Variants in RPAP1 observed in about 807,000 individuals in gnomAD.
RPAP1 encodes the protein RNA polymerase II-associated protein 1.
A neutral mutation model predicts 142.4 loss-of-function variants in RPAP1; 109 were observed. That is an observed-to-expected ratio of 0.77 (90% confidence interval 0.66 to 0.90). The LOEUF (loss-of-function observed/expected upper bound fraction) is 0.90. Ranked by LOEUF, RPAP1 falls within the 40% of genes least tolerant of loss-of-function variation. RPAP1 has a pLI of 0.00. For missense variants in RPAP1, 1,546 were observed against 1,751.7 expected, an observed-to-expected ratio of 0.88 and a Z score of 2.10; for synonymous variants, 704 against 738.9, an observed-to-expected ratio of 0.95 and a Z score of 0.77.
rs1362807273 is a variant in RPAP1, at chr15:41,536,925, T to A, written c.181+20A>T. On this transcript the variant is annotated intron_variant, in intron 2 of 24. Coordinates refer to ENST00000304330, the MANE Select transcript of RPAP1 (RefSeq NM_015540.4). Reference sequence around the variant, plus strand: ...GCTGTACCCTCTCTACTTCTCAGCCTCACATCCATGGGAACTCACTGTCCA... The same window carrying A: ...GCTGTACCCTCTCTACTTCTCAGCCACACATCCATGGGAACTCACTGTCCA... The A allele has an allele frequency of 6.2e-7, 1 of 1,609,992 alleles. No homozygotes were observed. Among genetic ancestry groups the A allele is most frequent in the African/African-American group, 1.3e-5 (1 of 74,850 alleles).
At position 41,535,558 on chromosome 15, in the gene RPAP1, C is replaced by T. The variant is rs1325414827; in HGVS notation, c.495G>A (p.Lys165=). The change falls in exon 5 of 25, where the codon AAG becomes AAA. Residue 165 remains lysine, a synonymous_variant. Transcript: ENST00000304330. ...GCACAACTTCCCCAACTGATGGGCC[C>T]TTGGCTTCAGCTATCCTCCTTGCCG... The part of the protein sequence containing the change: ...EIAARRIAEA[K]GPSVGEVVPN... 2 of 1,613,794 alleles carry T rather than the reference C, an allele frequency of 1.2e-6. No individual in the cohort carries two copies. Among genetic ancestry groups the T allele is most frequent in the African/African-American group, 2.7e-5 (2 of 74,892 alleles).
intron 1 of RPAP1, among the ~76,000 whole-genome samples, chr15:41,539,916 C>G (rs2051954245): frequency 6.6e-6 from 1 of 151,984 alleles, no homozygotes. Context: ...GCCTGTAATC[C>G]TAGCTACTCA....
At chr15:41,526,867 T>TC in intron 14 of RPAP1, 31 bp downstream of exon 14, 1 of 1,571,124 alleles carries the variant, frequency 6.4e-7, no homozygotes. Flanking sequence ...TCCCATGCAT[T>TC]CCCCCATCCC....
intron 20 of RPAP1, 60 bp downstream of exon 20, chr15:41,522,038 C>T: frequency 1.3e-6 from 2 of 1,594,072 alleles, no homozygotes; most frequent in Non-Finnish European, 1.7e-6. Flanking sequence ...GGCTGGGTTC[C>T]ACAGAAACAG....
chr15:41,522,700 C>CATTGT, intron 19 of RPAP1, 65 bp downstream of exon 19: 1 of 1,232,462 alleles, frequency 8.1e-7, no homozygotes, highest in Non-Finnish European at 1.1e-6. Flanking sequence ...CACCCTCCCA[C>CATTGT]TTTCTTTCTG....
chr15:41,523,940 G>T lies in RPAP1; in HGVS notation c.2267C>A (p.Pro756His). ...CACCTGTGTCCAAGTGACTAAGGAA[G>T]GGGTGGCCGAGAGGCTGGCCTCAGC... Reference protein sequence around the residue: ...DSAEASLSATPSLVTWTQVSG... With the variant: ...DSAEASLSATHSLVTWTQVSG... The change falls in exon 17 of 25, where the codon CCT becomes CAT. Residue 756 changes from proline to histidine, a missense_variant. This residue lies in a region of RPAP1 where 1,333 missense variants were observed against 1,486.6 expected (regional missense o/e 0.90). Coordinates refer to ENST00000304330, the MANE Select transcript of RPAP1 (RefSeq NM_015540.4). The T allele has an allele frequency of 6.2e-7, 1 of 1,611,200 alleles. No individual in the cohort carries two copies. The highest frequency in any genetic ancestry group is 2.2e-5 in the East Asian group (1 of 44,712).
At chr15:41,530,337 C>T (rs1219695067) in intron 7 of RPAP1, among the ~76,000 whole-genome samples, 1 of 152,112 alleles carries the variant, frequency 6.6e-6, no homozygotes, top group Admixed American at 6.6e-5. Context: ...CAGTACCAGC[C>T]CTTAAAGGAG....
chr15:41,520,498 C>A lies in RPAP1; in HGVS notation c.3688G>T (p.Ala1230Ser), dbSNP rs746427320. The A allele has an allele frequency of 6.2e-7, 1 of 1,613,944 alleles. No individual in the cohort carries two copies. The highest frequency in any genetic ancestry group is 8.5e-7 in the Non-Finnish European group (1 of 1,179,988). Residue 1230 changes from alanine (A) to serine (S), a missense_variant, in exon 22 of 25, where the codon GCC (alanine) becomes TCC (serine). By Grantham distance (99) the Ala-to-Ser change is moderately conservative. Transcript: ENST00000304330. Reference sequence around the variant, plus strand: ...CGCTGCAGGGGCAGGAGGACCAGGGCCCCAAAGAGGTGGTCCCCAAAAGAG... The same window carrying A: ...CGCTGCAGGGGCAGGAGGACCAGGGACCCAAAGAGGTGGTCCCCAAAAGAG... ...AVSFGDHLFG[A>S]LVLLPLQRRF...
rs560065091 is a variant in RPAP1, at chr15:41,527,056, G to A, written c.1759C>T (p.Pro587Ser). 3.3e-5 allele frequency: 54 copies of A among 1,614,164 alleles called. No individual in the cohort carries two copies. The South Asian group carries it at 5.8e-4, about 17-fold the overall frequency. Residue 587 changes from proline to serine, a missense_variant, in exon 14 of 25, where the codon CCT (proline) becomes TCT (serine). Pro to Ser is a moderately conservative substitution (Grantham distance 74). This residue lies in a region of RPAP1 where 1,333 missense variants were observed against 1,486.6 expected (regional missense o/e 0.90). Coordinates refer to ENST00000304330, the MANE Select transcript of RPAP1 (RefSeq NM_015540.4). ...CGAACTATAGTCTCTATCAGCCGAG[G>A]GCACTCCAGGACCTATGGGAGACAG... The part of the protein sequence containing the change: ...LESATRVLEC[P>S]RLIETIVREF...
chr15:41,522,989 G>A (rs2051746313), intron 18 of RPAP1, 29 bp from the exon 19 acceptor site: 1 of 1,496,070 alleles, frequency 6.7e-7, no homozygotes, highest in Non-Finnish European at 8.9e-7. Flanking sequence ...GTCTGAGGGG[G>A]ACTCTGGCCT....
At chr15:41,533,561 C>T (rs554191472) in intron 6 of RPAP1, among the ~76,000 whole-genome samples, 18 of 152,060 alleles carry the variant, frequency 1.2e-4, no homozygotes, top group African/African-American at 3.1e-4. Context: ...GGGCCAGGCA[C>T]GGTGGCTCAC....
chr15:41,536,618 A>G lies in RPAP1; in HGVS notation c.213T>C (p.Pro71=), dbSNP rs746301121. 5 of 1,614,072 alleles carry G rather than the reference A, an allele frequency of 3.1e-6. No homozygotes were observed. The Admixed American group carries it at 8.3e-5, about 27-fold the overall frequency. The change falls in exon 3 of 25, where the codon CCT becomes CCC. Residue 71 remains proline (P), a synonymous_variant. Coordinates refer to ENST00000304330, the MANE Select transcript of RPAP1 (RefSeq NM_015540.4). ...TGGGCCTGGCTCTCTTTGGAGGAGA[A>G]GGGACCAAAGCTGGGGGCAAATCTG... ...NLPDLPPALV[P]SPPKRARPSP...
chr15:41,538,736 G>A (rs1052088858), intron 1 of RPAP1, among the ~76,000 whole-genome samples: 3 of 152,046 alleles, frequency 2.0e-5, no homozygotes, highest in Admixed American at 1.3e-4. Context: ...AAGACTTTAC[G>A]TAACCATGGC....
chr15:41,538,169 G>A (rs2051933241), intron 1 of RPAP1, among the ~76,000 whole-genome samples: 1 of 152,198 alleles, frequency 6.6e-6, no homozygotes. Flanking sequence ...CGTGAACCCG[G>A]GAGGCGGAGC....
At chr15:41,522,047 A>C (rs752414684) in intron 20 of RPAP1, 51 bp downstream of exon 20, 4 of 1,598,494 alleles carry the variant, frequency 2.5e-6, no homozygotes, top group Non-Finnish European at 3.4e-6. Flanking sequence ...CCACAGAAAC[A>C]GGAAGGAGAT....
In RPAP1 at chr15:41,531,015, C is replaced by T. The variant is rs1292944011; in HGVS notation, c.943+8G>A. ...TCCACCAAAATATGACCCCCGCCTC[C>T]TGCAAACCTGGGGCTTCTGGCTCCA... On this transcript the variant is annotated splice_region_variant and intron_variant, in intron 7 of 24. Transcript: ENST00000304330. 1 of 1,606,692 alleles carries T rather than the reference C, an allele frequency of 6.2e-7. No homozygotes were observed. Among genetic ancestry groups the T allele is most frequent in the South Asian group, 1.1e-5 (1 of 90,902 alleles).
chr15:41,528,085 C>A, intron 10 of RPAP1, 58 bp from the exon 11 acceptor site: 1 of 1,588,164 alleles, frequency 6.3e-7, no homozygotes, highest in Non-Finnish European at 8.6e-7. Context: ...GAGGCTTTGC[C>A]CTAATCCTTC....
Position 41,524,216 on chromosome 15 carries a change from A to AC in RPAP1, c.2113dup (p.Val705GlyfsTer38). 6.4e-7 allele frequency: 1 copy of AC among 1,555,560 alleles called. No individual in the cohort carries two copies. The highest frequency in any genetic ancestry group is 8.7e-7 in the Non-Finnish European group (1 of 1,150,420). ...TGGGTGGGTGCTGAGCTCCCGCGGC[A>AC]CCACCTGCAAGGCCCGCATCAGCAC... On this transcript the variant is annotated frameshift_variant, in exon 16 of 25. Coordinates refer to ENST00000304330, the MANE Select transcript of RPAP1 (RefSeq NM_015540.4). LOFTEE classifies it high-confidence loss of function.
chr15:41,524,107 A>G lies in RPAP1; in HGVS notation c.2223T>C (p.Ala741=), dbSNP rs758562960. 47 of 1,590,678 alleles carry G rather than the reference A, an allele frequency of 3.0e-5. No individual in the cohort carries two copies. In the South Asian group the frequency reaches 4.6e-4, roughly 16 times the overall value. Residue 741 remains alanine, a synonymous_variant, in exon 16 of 25, where the codon GCT becomes GCC. Coordinates refer to ENST00000304330, the MANE Select transcript of RPAP1 (RefSeq NM_015540.4). ...TGGCTATAAACTACCTGATGGTTTC[A>G]GCAGGGGTACTGCCGGCTGCCAGGG... is the stretch of plus-strand genomic sequence containing the variant. ...QLTLAAGSTP[A]ETISDSAEAS... is the part of the protein sequence containing the mutation.
Sources: gnomAD v4.1 joint callset for allele counts (sites outside exome capture counted in the v4.1 genomes callset) on GRCh38, gnomAD v4.1.1 for gene constraint, gnomAD v4.1.1 regional missense constraint, MANE v1.5 for transcripts, NCBI Gene and HGNC (gene_info 2026-07-23, HGNC 2026-07-21) for gene names.